THNSL1: variants seen among roughly 807,000 people sequenced by gnomAD.
The protein encoded by THNSL1 is threonine synthase like 1.
THNSL1 carries 48 observed loss-of-function variants against 50.4 expected under a neutral mutation model. The observed-to-expected ratio is 0.95, with a 90% confidence interval of 0.76 to 1.21. The LOEUF (loss-of-function observed/expected upper bound fraction) is 1.21, where lower values mean the gene tolerates loss of function less well. THNSL1 is among the 50% of genes most tolerant of loss of function. The pLI is 0.00. For synonymous variants in THNSL1, 309 were observed against 306.1 expected, an observed-to-expected ratio of 1.01 and a Z score of -0.10; for missense variants, 896 against 871.7, an observed-to-expected ratio of 1.03 and a Z score of -0.35.
upstream of THNSL1, among the ~76,000 whole-genome samples, chr10:25,012,551 G>A (rs1293064542): frequency 6.6e-6 from 1 of 152,206 alleles, no homozygotes; most frequent in Non-Finnish European, 1.5e-5. Context: ...TGGAGTCAAA[G>A]GAGATCATTT....
At chr10:24,962,128 A>G in the THNSL1 span, among the ~76,000 whole-genome samples, 1 of 152,204 alleles carries the variant, frequency 6.6e-6, no homozygotes, top group Non-Finnish European at 1.5e-5. Flanking sequence ...AAATAAACCT[A>G]CAATCTGTAA....
upstream of THNSL1, among the ~76,000 whole-genome samples, chr10:25,013,347 A>C (rs1850494077): frequency 6.6e-6 from 1 of 152,274 alleles, no homozygotes; most frequent in South Asian, 2.1e-4. Flanking sequence ...AAAAGATTCA[A>C]ATGCAAAACT....
the THNSL1 span, chr10:24,984,712 T>C: frequency 6.3e-7 from 1 of 1,574,874 alleles, no homozygotes; most frequent in Non-Finnish European, 8.6e-7. Flanking sequence ...TTGAAATTGT[T>C]ATACTTTAAA....
the THNSL1 span, among the ~76,000 whole-genome samples, chr10:24,999,903 C>T: frequency 1.3e-5 from 2 of 152,136 alleles, no homozygotes; most frequent in Non-Finnish European, 2.9e-5. Flanking sequence ...TTTTATGAAT[C>T]TTCTTATAGA....
chr10:24,968,502 G>C, the THNSL1 span, among the ~76,000 whole-genome samples: 1 of 152,050 alleles, frequency 6.6e-6, no homozygotes, highest in African/African-American at 2.4e-5. Flanking sequence ...AGCATCCTTC[G>C]TTGTCTAAGA....
chr10:24,984,841 G>A, the THNSL1 span: 5 of 1,613,574 alleles, frequency 3.1e-6, no homozygotes, highest in Non-Finnish European at 4.2e-6. Flanking sequence ...CTTTGGTATA[G>A]AATCTATAAA....
At chr10:25,020,185 G>A (rs1850688406) in intron 1 of THNSL1, among the ~76,000 whole-genome samples, 1 of 151,552 alleles carries the variant, frequency 6.6e-6, no homozygotes. Context: ...ATGTTTGTGG[G>A]AAATAATATT....
In THNSL1 at chr10:25,023,232, C is replaced by T. The variant is rs1369550672; in HGVS notation, c.9C>T (p.His3=). The change falls in exon 3 of 3, where the codon CAC becomes CAT. Residue 3 remains histidine (H), a synonymous_variant. Coordinates refer to ENST00000376356, the MANE Select transcript of THNSL1 (RefSeq NM_024838.5). ML[H]FNRCHHLKKI... is the part of the protein sequence containing the mutation. ...AGAAAAGTGAAAAGAGAATGCTCCACTTTAACCGATGTCATCATCTGAAAA... is the reference window on the plus strand; with the variant it reads ...AGAAAAGTGAAAAGAGAATGCTCCATTTTAACCGATGTCATCATCTGAAAA... 1.2e-6 allele frequency: 2 copies of T among 1,610,842 alleles called. No homozygotes were observed. The highest frequency in any genetic ancestry group is 1.7e-5 in the Admixed American group (1 of 59,796).
At chr10:24,964,427 A>G in the THNSL1 span, among the ~76,000 whole-genome samples, 1 of 152,264 alleles carries the variant, frequency 6.6e-6, no homozygotes, top group African/African-American at 2.4e-5. Flanking sequence ...AATAAAAAAC[A>G]TAAACACAAA....
At chr10:24,970,842 G>A in the THNSL1 span, among the ~76,000 whole-genome samples, 2 of 152,084 alleles carry the variant, frequency 1.3e-5, no homozygotes, top group African/African-American at 2.4e-5. Context: ...TGGCCAACAC[G>A]GTGAAACCCC....
At position 25,023,548 on chromosome 10, in the gene THNSL1, G is replaced by A; in HGVS notation, c.325G>A (p.Glu109Lys). Residue 109 changes from glutamate to lysine, a missense_variant, in exon 3 of 3, where the codon GAG (glutamate) becomes AAG (lysine). Glu to Lys is a moderately conservative substitution (Grantham distance 56). Transcript: ENST00000376356. ...TGAAAAATTACAGGATGTTGGTAAT[G>A]AGCAATTTTTAGAAGAGGAAGGAAA... Reference protein sequence around the residue: ...VSEKLQDVGNEQFLEEEGKAV... With the variant: ...VSEKLQDVGNKQFLEEEGKAV... The A allele has an allele frequency of 6.2e-7, 1 of 1,614,078 alleles. No individual in the cohort carries two copies. The highest frequency in any genetic ancestry group is 8.5e-7 in the Non-Finnish European group (1 of 1,179,992).
intron 1 of THNSL1, among the ~76,000 whole-genome samples, chr10:25,019,665 A>G (rs889687458): frequency 6.6e-6 from 1 of 152,202 alleles, no homozygotes; most frequent in African/African-American, 2.4e-5. Context: ...AAGGACTTGC[A>G]CATCTGCAGA....
the THNSL1 span, among the ~76,000 whole-genome samples, chr10:24,979,036 G>A: frequency 5.9e-5 from 9 of 152,114 alleles, no homozygotes; most frequent in Non-Finnish European, 1.0e-4. Context: ...TTCTTCCCCC[G>A]ATCTGTGTTT....
At chr10:25,005,673 G>A in the THNSL1 span, among the ~76,000 whole-genome samples, 1 of 152,206 alleles carries the variant, frequency 6.6e-6, no homozygotes, top group Admixed American at 6.5e-5. Context: ...GACTTGAAAT[G>A]AGAGTGTTCA....
chr10:24,977,010 C>T, the THNSL1 span, among the ~76,000 whole-genome samples: 10 of 152,270 alleles, frequency 6.6e-5, no homozygotes, highest in Middle Eastern at 3.4e-3. Flanking sequence ...GCCCCTCTTC[C>T]ATCCAGAATA....
the THNSL1 span, among the ~76,000 whole-genome samples, chr10:24,986,818 T>C: frequency 3.5e-4 from 54 of 152,338 alleles, no homozygotes; most frequent in South Asian, 6.2e-3. Flanking sequence ...AAGAGGTTTT[T>C]TCATTATTTC....
At chr10:25,003,165 A>T in the THNSL1 span, among the ~76,000 whole-genome samples, 12 of 150,340 alleles carry the variant, frequency 8.0e-5, no homozygotes, top group East Asian at 7.8e-4. Flanking sequence ...TTCTTTAATT[A>T]ATTAATTAAT....
the THNSL1 span, among the ~76,000 whole-genome samples, chr10:24,970,585 C>T: frequency 6.6e-6 from 1 of 152,004 alleles, no homozygotes; most frequent in East Asian, 1.9e-4. Context: ...TGGTAGTGTA[C>T]ACCTGTAGTT....
chr10:24,995,802 C>T, the THNSL1 span: 5 of 1,613,988 alleles, frequency 3.1e-6, no homozygotes, highest in East Asian at 2.2e-5. Context: ...TCTGTATTCC[C>T]ATGACAGGAT....
Sources: gnomAD v4.1 joint callset for allele counts (sites outside exome capture counted in the v4.1 genomes callset) on GRCh38, gnomAD v4.1.1 for gene constraint, MANE v1.5 for transcripts, NCBI Gene and HGNC (gene_info 2026-07-23, HGNC 2026-07-21) for gene names.